Variants in IL1RAPL1 observed in about 807,000 individuals in gnomAD.
The protein encoded by IL1RAPL1 is interleukin-1 receptor accessory protein-like 1.
IL1RAPL1 carries 3 observed loss-of-function variants against 48.4 expected under a neutral mutation model. The ratio of observed to expected loss-of-function variants is 0.06; its 90% CI spans 0.03 to 0.16. IL1RAPL1 has a LOEUF of 0.16. Among genes scored for constraint, IL1RAPL1 ranks in the 10% least tolerant of loss-of-function variants. The probability of loss-of-function intolerance (pLI) is 1.00; values close to 1 mark genes in which losing one functional copy is unlikely to be tolerated. For synonymous variants in IL1RAPL1, 185 were observed against 187.7 expected (o/e 0.99, Z 0.12); for missense variants, 349 against 530.6 (o/e 0.66, Z 3.36).
At chrX:29,509,093 A>G (rs1935366237) in intron 5 of IL1RAPL1, among the ~76,000 whole-genome samples, 1 of 112,058 alleles carries the variant, frequency 8.9e-6, no homozygotes, top group Admixed American at 9.4e-5. Flanking sequence ...TGTAGAAGCT[A>G]TATATTAAGA....
At chrX:29,782,438 A>C (rs1929369067) in intron 6 of IL1RAPL1, among the ~76,000 whole-genome samples, 2 of 111,748 alleles carry the variant, frequency 1.8e-5, no homozygotes, top group Non-Finnish European at 3.8e-5. Flanking sequence ...TCAAGAATCT[A>C]ATCTATACCA....
chrX:29,800,554 G>A (rs935356801), intron 6 of IL1RAPL1, among the ~76,000 whole-genome samples: 6 of 109,577 alleles, frequency 5.5e-5, no homozygotes, highest in Non-Finnish European at 1.1e-4. Flanking sequence ...TTATATATAT[G>A]CAGAAAAGCA....
At chrX:29,373,978 G>A (rs1253241795) in intron 3 of IL1RAPL1, among the ~76,000 whole-genome samples, 2 of 97,371 alleles carry the variant, frequency 2.1e-5, no homozygotes, top group African/African-American at 7.6e-5. Context: ...AAAGTCCCGT[G>A]ATAAAGGTTT....
In IL1RAPL1 at chrX:29,371,984, C is replaced by T. The variant is rs769391443; in HGVS notation, c.363-24274C>T. 2.7e-5 allele frequency among the ~76,000 whole-genome samples: 3 copies of T among 111,997 alleles called. No individual in the cohort carries two copies. In the Admixed American group the frequency reaches 2.8e-4, roughly 11 times the overall value. ...TAATGGGATTGCTGGATTGAATGTT[C>T]TTTGAGAAGTCTCCAAGCTGTTTTC... On this transcript the variant is annotated intron_variant, in intron 3 of 10. Coordinates refer to ENST00000378993, the MANE Select transcript of IL1RAPL1 (RefSeq NM_014271.4).
chrX:28,945,749 C>T (rs972875308), intron 2 of IL1RAPL1, among the ~76,000 whole-genome samples: 10 of 109,672 alleles, frequency 9.1e-5, no homozygotes, highest in East Asian at 8.6e-4. Flanking sequence ...ACTTGTATCC[C>T]GGAACGTAAA....
At chrX:29,449,634 C>T (rs1934652348) in intron 5 of IL1RAPL1, among the ~76,000 whole-genome samples, 1 of 108,568 alleles carries the variant, frequency 9.2e-6, no homozygotes, top group Non-Finnish European at 1.9e-5. Context: ...TAAAGTGCAT[C>T]TTTTTTCTTC....
At chrX:28,802,404 T>C (rs1455604705) in intron 2 of IL1RAPL1, among the ~76,000 whole-genome samples, 3 of 112,432 alleles carry the variant, frequency 2.7e-5, no homozygotes. Context: ...AGTGAATAAC[T>C]TTGCCAAGTT....
chrX:29,738,819 T>A (rs768866279), intron 6 of IL1RAPL1, among the ~76,000 whole-genome samples: 1 of 112,301 alleles, frequency 8.9e-6, no homozygotes, highest in South Asian at 3.7e-4. Context: ...CAGGGCTCTC[T>A]TGGAGAGTTG....
chrX:29,833,063 G>A (rs779255871), intron 6 of IL1RAPL1, among the ~76,000 whole-genome samples: 40 of 111,592 alleles, frequency 3.6e-4, no homozygotes, highest in African/African-American at 1.3e-3. Context: ...TAAAAAATGT[G>A]TATATTTGAA....
At chrX:29,477,026 G>A (rs971626282) in intron 5 of IL1RAPL1, among the ~76,000 whole-genome samples, 12 of 106,309 alleles carry the variant, frequency 1.1e-4, no homozygotes, top group Non-Finnish European at 2.3e-4. Context: ...GACTACAGGC[G>A]CCCGCCACCG....
At chrX:29,625,860 CA>C (rs761070617) in intron 5 of IL1RAPL1, among the ~76,000 whole-genome samples, 1 of 111,536 alleles carries the variant, frequency 9.0e-6, no homozygotes, top group African/African-American at 3.3e-5. Context: ...CTGGCCATGC[CA>C]CTTCTAATTT....
At chrX:28,762,195 A>G (rs994412751) in intron 1 of IL1RAPL1, among the ~76,000 whole-genome samples, 4 of 112,055 alleles carry the variant, frequency 3.6e-5, no homozygotes, top group African/African-American at 1.3e-4. Flanking sequence ...TGATCTATAA[A>G]TAGAAGAGAA....
chrX:29,190,905 T>C (rs193127047), intron 2 of IL1RAPL1, among the ~76,000 whole-genome samples: 95 of 112,046 alleles, frequency 8.5e-4, no homozygotes, highest in African/African-American at 2.9e-3. Context: ...GTATTGAGGA[T>C]CTGTTCTCTA....
At chrX:28,897,145 C>T (rs963858720) in intron 2 of IL1RAPL1, among the ~76,000 whole-genome samples, 3 of 108,126 alleles carry the variant, frequency 2.8e-5, no homozygotes, top group East Asian at 5.9e-4. Flanking sequence ...AGTAGAGACA[C>T]GGAGAGAAGG....
intron 5 of IL1RAPL1, among the ~76,000 whole-genome samples, chrX:29,544,189 A>T (rs1921533223): frequency 8.9e-6 from 1 of 111,805 alleles, no homozygotes; most frequent in Admixed American, 9.5e-5. Context: ...CTGCCAAACA[A>T]TTCTCTTTCG....
At chrX:28,970,117 CA>C (rs1925034145) in intron 2 of IL1RAPL1, among the ~76,000 whole-genome samples, 1 of 111,630 alleles carries the variant, frequency 9.0e-6, no homozygotes, top group Non-Finnish European at 1.9e-5. Flanking sequence ...TCTCCTGCCT[CA>C]GCCTCCCGAG....
At chrX:29,075,622 C>T (rs373565513) in intron 2 of IL1RAPL1, among the ~76,000 whole-genome samples, 1 of 111,756 alleles carries the variant, frequency 8.9e-6, no homozygotes, top group Admixed American at 9.5e-5. Context: ...CCAACCTTAA[C>T]GATATTGTAA....
chrX:29,166,716 T>C (rs1929792864), intron 2 of IL1RAPL1, among the ~76,000 whole-genome samples: 1 of 111,907 alleles, frequency 8.9e-6, no homozygotes, highest in Non-Finnish European at 1.9e-5. Flanking sequence ...CATATTTTGC[T>C]TACTTTTTTC....
intron 6 of IL1RAPL1, among the ~76,000 whole-genome samples, chrX:29,763,223 T>C (rs1928797412): frequency 9.0e-6 from 1 of 110,770 alleles, no homozygotes; most frequent in Non-Finnish European, 1.9e-5. Context: ...TCTTTTGGCA[T>C]TGAAGGATAT....
Sources: allele counts gnomAD v4.1 joint callset (sites outside exome capture counted in the v4.1 genomes callset), GRCh38; gene constraint gnomAD v4.1.1; transcripts MANE v1.5; gene names NCBI Gene and HGNC (gene_info 2026-07-23, HGNC 2026-07-21).